KIAA0513: variants seen among roughly 807,000 people sequenced by gnomAD.
KIAA0513 encodes the protein uncharacterized protein KIAA0513.
Under a neutral mutation model 56.5 loss-of-function variants are expected in KIAA0513, and 39 were observed. The ratio of observed to expected loss-of-function variants is 0.69; its 90% CI spans 0.53 to 0.90. The LOEUF (loss-of-function observed/expected upper bound fraction) is 0.90, where lower values mean the gene tolerates loss of function less well. KIAA0513 is among the 40% of genes least tolerant of loss of function. The pLI is 0.00. For synonymous variants in KIAA0513, 268 were observed against 215.6 expected (o/e 1.24, Z -2.13); for missense variants, 591 against 535.2 (o/e 1.10, Z -1.03).
At chr16:85,031,177 A>G (rs1326201050) in intron 1 of KIAA0513, among the ~76,000 whole-genome samples, 1 of 152,164 alleles carries the variant, frequency 6.6e-6, no homozygotes, top group Non-Finnish European at 1.5e-5. Flanking sequence ...GACAAAAGTA[A>G]TCGTTAGAAA....
At chr16:85,084,596 A>G (rs2144100671) in intron 10 of KIAA0513, among the ~76,000 whole-genome samples, 1 of 152,080 alleles carries the variant, frequency 6.6e-6, no homozygotes, top group South Asian at 2.1e-4. Context: ...TGCCTGGCTC[A>G]TTTCGTATTT....
intron 6 of KIAA0513, 146 bp downstream of exon 6, chr16:85,077,778 G>A: frequency 1.5e-6 from 1 of 659,384 alleles, no homozygotes; most frequent in Non-Finnish European, 2.6e-6. Flanking sequence ...TGCCCCCACG[G>A]CTTGCTATGG....
chr16:85,046,767 G>C (rs1214616912), intron 1 of KIAA0513, among the ~76,000 whole-genome samples: 1 of 152,182 alleles, frequency 6.6e-6, no homozygotes, highest in African/African-American at 2.4e-5. Flanking sequence ...TGTATGTTTA[G>C]TTCGAAGTTT....
intron 1 of KIAA0513, among the ~76,000 whole-genome samples, chr16:85,033,648 C>T (rs1466741540): frequency 6.6e-6 from 1 of 151,746 alleles, no homozygotes; most frequent in African/African-American, 2.4e-5. Flanking sequence ...AGCAACTTTT[C>T]TCCCTTTGGG....
chr16:85,047,691 AG>A (rs1266025283), intron 1 of KIAA0513, among the ~76,000 whole-genome samples: 5 of 152,180 alleles, frequency 3.3e-5, no homozygotes, highest in Non-Finnish European at 7.3e-5. Flanking sequence ...GAAAAAACCC[AG>A]GGATCTGGCC....
intron 10 of KIAA0513, 33 bp downstream of exon 10, chr16:85,082,626 A>T (rs997883429): frequency 6.2e-7 from 1 of 1,612,554 alleles, no homozygotes; most frequent in Non-Finnish European, 8.5e-7. Context: ...GTTCCATTTT[A>T]CAGTGCGGGC....
At chr16:85,087,392 C>T (rs909821669) in intron 12 of KIAA0513, among the ~76,000 whole-genome samples, 8 of 152,164 alleles carry the variant, frequency 5.3e-5, no homozygotes, top group Non-Finnish European at 8.8e-5. Context: ...GATGGGATTG[C>T]GGGCATTGGG....
intron 1 of KIAA0513, among the ~76,000 whole-genome samples, chr16:85,033,363 C>T (rs1054885625): frequency 1.3e-5 from 2 of 152,210 alleles, no homozygotes; most frequent in African/African-American, 2.4e-5. Context: ...TTCTCTGATG[C>T]ACTCTGCAGG....
At chr16:85,050,193 C>G (rs1043587790) in intron 1 of KIAA0513, among the ~76,000 whole-genome samples, 4 of 152,012 alleles carry the variant, frequency 2.6e-5, no homozygotes, top group Non-Finnish European at 5.9e-5. Flanking sequence ...TACCTAGGAC[C>G]AATTAAACAA....
chr16:85,032,821 A>C (rs2072984131), intron 1 of KIAA0513, among the ~76,000 whole-genome samples: 1 of 152,084 alleles, frequency 6.6e-6, no homozygotes, highest in South Asian at 2.1e-4. Flanking sequence ...TAGTAGAGGC[A>C]GGGTTTCACC....
At chr16:85,048,239 G>A (rs2073198343) in intron 1 of KIAA0513, among the ~76,000 whole-genome samples, 1 of 152,172 alleles carries the variant, frequency 6.6e-6, no homozygotes, top group Non-Finnish European at 1.5e-5. Context: ...AGGGAGGAGG[G>A]AAGCCCTCTG....
At chr16:85,075,407 T>C (rs2073641671) in intron 4 of KIAA0513, among the ~76,000 whole-genome samples, 1 of 152,114 alleles carries the variant, frequency 6.6e-6, no homozygotes, top group African/African-American at 2.4e-5. Flanking sequence ...GACACCCCAC[T>C]GCGAATGCTG....
At chr16:85,037,807 T>C (rs2073054702) in intron 1 of KIAA0513, among the ~76,000 whole-genome samples, 7 of 152,164 alleles carry the variant, frequency 4.6e-5, no homozygotes. Context: ...ATCTATGCTG[T>C]GGGAAAGAAG....
Position 85,076,299 on chromosome 16 carries a change from G to C in KIAA0513, c.574+385G>C, listed in dbSNP as rs970474820. Among the ~76,000 whole-genome samples, 1 of 152,200 alleles carries C rather than the reference G, an allele frequency of 6.6e-6. No individual in the cohort carries two copies. The highest frequency in any genetic ancestry group is 2.4e-5 in the African/African-American group (1 of 41,440). ...AAGACGACACAGTTGGTTGTTGGAG[G>C]GTGGTGGGGAGGAGCAGCGTAGGAT... On this transcript the variant is annotated intron_variant, in intron 5 of 12. Coordinates refer to ENST00000683363, the MANE Select transcript of KIAA0513 (RefSeq NM_001388359.1). The surrounding 1 kb of genome is among the most constrained non-coding windows in gnomAD (Gnocchi z 4.7).
chr16:85,036,061 C>T (rs1178321943), intron 1 of KIAA0513, among the ~76,000 whole-genome samples: 3 of 152,086 alleles, frequency 2.0e-5, no homozygotes, highest in African/African-American at 4.8e-5. Context: ...GCAATCCTAC[C>T]GCCTTGGCCT....
At chr16:85,057,180 C>T (rs930464451) in intron 1 of KIAA0513, among the ~76,000 whole-genome samples, 1 of 152,150 alleles carries the variant, frequency 6.6e-6, no homozygotes, top group African/African-American at 2.4e-5. Flanking sequence ...TATTGTAAAC[C>T]CCCTGTGGTC....
chr16:85,051,718 T>C (rs990105172), intron 1 of KIAA0513, among the ~76,000 whole-genome samples: 3 of 152,148 alleles, frequency 2.0e-5, no homozygotes, highest in African/African-American at 7.2e-5. Flanking sequence ...CCCTTGCTCA[T>C]GTGATATGAT....
intron 1 of KIAA0513, among the ~76,000 whole-genome samples, chr16:85,065,222 T>C (rs1416589924): frequency 2.0e-5 from 3 of 152,210 alleles, no homozygotes; most frequent in Non-Finnish European, 2.9e-5. Flanking sequence ...TGGAAGGGCC[T>C]TGGGTTTCTG....
rs749967775 is a variant in KIAA0513, at chr16:85,077,645, T to C, written c.782+13T>C. The C allele has an allele frequency of 5.7e-6, 9 of 1,585,886 alleles. No homozygotes were observed. The highest frequency in any genetic ancestry group is 7.7e-6 in the Non-Finnish European group (9 of 1,162,014). ...CCAGGAGGAACGAGTACGTGTGGCC[T>C]TGGGGTCCCTCCCACCTGCAGGGGA... On this transcript the variant is annotated intron_variant, in intron 6 of 12. Transcript: ENST00000683363.
Sources: allele counts gnomAD v4.1 joint callset (sites outside exome capture counted in the v4.1 genomes callset), GRCh38; gene constraint gnomAD v4.1.1; non-coding constraint Gnocchi (gnomAD v3.1); transcripts MANE v1.5; gene names NCBI Gene and HGNC (gene_info 2026-07-23, HGNC 2026-07-21).